The following PTGER4 variants were observed in gnomAD, a reference collection of about 807,000 sequenced individuals.
PTGER4 encodes prostaglandin E receptor 4.
Under a neutral mutation model 33.2 loss-of-function variants are expected in PTGER4, and 11 were observed. The observed-to-expected ratio is 0.33, with a 90% confidence interval of 0.21 to 0.55. PTGER4 has a LOEUF of 0.55. Among genes scored for constraint, PTGER4 ranks in the 20% least tolerant of loss-of-function variants. PTGER4 has a pLI of 0.92. For missense variants in PTGER4, 481 were observed against 650.2 expected (o/e 0.74, Z 2.83); for synonymous variants, 275 against 281.5 (o/e 0.98, Z 0.23).
At chr5:40,732,153 G>A in the PTGER4 span, among the ~76,000 whole-genome samples, 3 of 152,236 alleles carry the variant, frequency 2.0e-5, no homozygotes, top group South Asian at 6.2e-4. Flanking sequence ...AGGACTACAG[G>A]CATATGCCAC....
At chr5:40,723,113 G>C in the PTGER4 span, among the ~76,000 whole-genome samples, 2 of 152,170 alleles carry the variant, frequency 1.3e-5, no homozygotes, top group African/African-American at 4.8e-5. Context: ...GCCTTGGGAT[G>C]CTGTTAATCT....
Position 40,691,763 on chromosome 5 carries a change from G to A in PTGER4, c.868-16G>A, listed in dbSNP as rs185563883. On this transcript the variant is annotated splice_polypyrimidine_tract_variant and intron_variant, in intron 2 of 2. Transcript: ENST00000302472. The surrounding 1 kb of genome is among the most constrained non-coding windows in gnomAD (Gnocchi z 4.2). ...GATTAATGATGAAATCTAAATGTGC[G>A]ATCTCACTTATGCAGGTGCGAGTAT... The A allele has an allele frequency of 3.8e-5, 60 of 1,599,198 alleles. No individual in the cohort carries two copies. The highest frequency in any genetic ancestry group is 2.7e-4 in the African/African-American group (20 of 74,338).
downstream of PTGER4, chr5:40,696,562 G>C: frequency 1.5e-6 from 1 of 652,602 alleles, no homozygotes; most frequent in Non-Finnish European, 1.9e-6. Flanking sequence ...TACCTTGGCA[G>C]AAAGGAAGAG....
chr5:40,738,557 TAAA>T, the PTGER4 span, among the ~76,000 whole-genome samples: 12 of 129,854 alleles, frequency 9.2e-5, 1 homozygote, highest in Admixed American at 3.3e-4. Flanking sequence ...TAAAATAAAA[TAAA>T]ATAAAATATA....
intron 2 of PTGER4, among the ~76,000 whole-genome samples, chr5:40,687,027 GTTTTTT>G (rs965628647): frequency 1.3e-5 from 2 of 152,060 alleles, no homozygotes; most frequent in East Asian, 3.9e-4. Flanking sequence ...TATTCAGTGA[GTTTTTT>G]TGTTTTTGTT....
At chr5:40,697,875 C>T (rs1288304811), downstream of PTGER4, among the ~76,000 whole-genome samples, 4 of 151,434 alleles carry the variant, frequency 2.6e-5, no homozygotes, top group South Asian at 8.4e-4. Flanking sequence ...CACCTGTAAT[C>T]CTAAAGCTTT....
At chr5:40,715,483 T>A in the PTGER4 span, 1 of 152,328 alleles carries the variant, frequency 6.6e-6, no homozygotes, top group Non-Finnish European at 1.5e-5. Flanking sequence ...ATCAATACTT[T>A]ACACTTTTAC....
chr5:40,728,215 C>A, the PTGER4 span: 3 of 646,850 alleles, frequency 4.6e-6, no homozygotes, highest in Non-Finnish European at 6.8e-6. Flanking sequence ...ACCCAGGAGG[C>A]GGAGGTTGCC....
chr5:40,695,260 A>T (rs544181178), downstream of PTGER4, among the ~76,000 whole-genome samples: 75 of 152,208 alleles, frequency 4.9e-4, 2 homozygotes, highest in South Asian at 0.015. Flanking sequence ...AAATACAAAA[A>T]TTGGCCAGGC....
the PTGER4 span, among the ~76,000 whole-genome samples, chr5:40,731,320 C>T: frequency 6.6e-6 from 1 of 152,092 alleles, no homozygotes; most frequent in African/African-American, 2.4e-5. Flanking sequence ...TTTTATAGTC[C>T]CTACCCACAT....
chr5:40,706,061 G>C, the PTGER4 span, among the ~76,000 whole-genome samples: 1 of 152,136 alleles, frequency 6.6e-6, no homozygotes, highest in African/African-American at 2.4e-5. Context: ...CAATAGCAAA[G>C]ACTTGGAATC....
the PTGER4 span, among the ~76,000 whole-genome samples, chr5:40,738,359 G>A: frequency 6.6e-6 from 1 of 151,460 alleles, no homozygotes; most frequent in East Asian, 1.9e-4. Flanking sequence ...AGGTTGCAGT[G>A]AGCTGAGATC....
At chr5:40,716,025 T>C in the PTGER4 span, 5 of 797,270 alleles carry the variant, frequency 6.3e-6, no homozygotes, top group Non-Finnish European at 7.7e-6. Flanking sequence ...ATATGCCTCA[T>C]CTGAAAAACA....
chr5:40,708,288 G>A, the PTGER4 span, among the ~76,000 whole-genome samples: 13 of 151,996 alleles, frequency 8.6e-5, no homozygotes, highest in African/African-American at 3.1e-4. Flanking sequence ...CCGCTAGCAA[G>A]ACTAATAAAG....
At chr5:40,690,517 A>T (rs1424160384) in intron 2 of PTGER4, among the ~76,000 whole-genome samples, 1 of 152,196 alleles carries the variant, frequency 6.6e-6, no homozygotes, top group Non-Finnish European at 1.5e-5. Context: ...TTGAAATGTG[A>T]TGTCTTTCCT....
chr5:40,697,292 A>AAGAAAG (rs1554024632), downstream of PTGER4, among the ~76,000 whole-genome samples: 1 of 145,160 alleles, frequency 6.9e-6, no homozygotes, highest in Admixed American at 7.1e-5. Context: ...GAAAGAAAGA[A>AAGAAAG]AGAAAAAGAA....
the PTGER4 span, among the ~76,000 whole-genome samples, chr5:40,700,781 A>T: frequency 3.9e-5 from 6 of 152,218 alleles, no homozygotes; most frequent in Middle Eastern, 3.4e-3. Flanking sequence ...AGGAACCCAC[A>T]CCTTCAGAGC....
chr5:40,684,345 G>A (rs1741276739), intron 2 of PTGER4, among the ~76,000 whole-genome samples: 1 of 152,086 alleles, frequency 6.6e-6, no homozygotes, highest in Non-Finnish European at 1.5e-5. Flanking sequence ...TCAAGTGGTT[G>A]CTAATCCCAT....
At position 40,681,348 on chromosome 5, in the gene PTGER4, C is replaced by T. The variant is rs1184617731; in HGVS notation, c.355C>T (p.Leu119=). 1 of 1,614,060 alleles carries T rather than the reference C, an allele frequency of 6.2e-7. No individual in the cohort carries two copies. Among genetic ancestry groups the T allele is most frequent in the Non-Finnish European group, 8.5e-7 (1 of 1,180,038 alleles). ...IICAMSVERY[L]AINHAYFYSH... ...CTGCGCCATGAGTGTCGAGCGCTAC[C>T]TGGCCATCAACCATGCCTATTTCTA... The change falls in exon 2 of 3, where the codon CTG becomes TTG. Residue 119 remains leucine (L), a synonymous_variant. Coordinates refer to ENST00000302472, the MANE Select transcript of PTGER4 (RefSeq NM_000958.3). The surrounding 1 kb of genome is among the most constrained non-coding windows in gnomAD (Gnocchi z 9.8).
Sources: allele counts gnomAD v4.1 joint callset (sites outside exome capture counted in the v4.1 genomes callset), GRCh38; gene constraint gnomAD v4.1.1; non-coding constraint Gnocchi (gnomAD v3.1); transcripts MANE v1.5; gene names NCBI Gene and HGNC (gene_info 2026-07-23, HGNC 2026-07-21).